Variants in ACP3 observed in about 807,000 individuals in gnomAD.
ACP3 encodes the protein acid phosphatase 3.
Under a neutral mutation model 45.6 loss-of-function variants are expected in ACP3, and 38 were observed. That is an observed-to-expected ratio of 0.83 (90% CI 0.64 to 1.09). ACP3 has a LOEUF of 1.09. Among genes scored for constraint, ACP3 ranks in the 50% least tolerant of loss-of-function variants. The pLI, the probability that ACP3 is intolerant of heterozygous loss-of-function variation, is 0.00. For synonymous variants in ACP3, 162 were observed against 164.7 expected, an observed-to-expected ratio of 0.98 and a Z score of 0.13; for missense variants, 466 against 463.2, an observed-to-expected ratio of 1.01 and a Z score of -0.05.
At chr3:132,351,592 A>G (rs1937740400) in intron 8 of ACP3, among the ~76,000 whole-genome samples, 1 of 152,248 alleles carries the variant, frequency 6.6e-6, no homozygotes. Context: ...AGGCCTGGGC[A>G]GGAGCAGAGT....
At position 132,357,680 on chromosome 3, in the gene ACP3, A is replaced by G; in HGVS notation, c.*802A>G. On this transcript the variant is annotated 3_prime_UTR_variant, in exon 10 of 10. Transcript: ENST00000336375. ...CTATTTGGGCACAACACATCAGGAA[A>G]GAGAGCACCACGTGATGGAGTTTCT... The G allele has an allele frequency of 1.0e-6, 1 of 985,420 alleles. No homozygotes were observed. The highest frequency in any genetic ancestry group is 1.2e-6 in the Non-Finnish European group (1 of 829,926). The allele number at this position is 985,420 out of a possible 1,614,324, so 61.0% of individuals were successfully genotyped here.
At chr3:132,363,125 A>T (rs975374271), downstream of ACP3, among the ~76,000 whole-genome samples, 2 of 152,156 alleles carry the variant, frequency 1.3e-5, no homozygotes, top group Admixed American at 6.5e-5. Flanking sequence ...TCACAGGGAG[A>T]GAAAGCATAC....
intron 4 of ACP3, among the ~76,000 whole-genome samples, chr3:132,335,711 G>A (rs1002911329): frequency 6.6e-6 from 1 of 152,188 alleles, no homozygotes; most frequent in Non-Finnish European, 1.5e-5. Context: ...GCAGGAAACA[G>A]TTTTAGGCAG....
In ACP3 at chr3:132,358,027, C is replaced by T. The variant is rs1937949830; in HGVS notation, c.*1149C>T. On this transcript the variant is annotated 3_prime_UTR_variant, in exon 10 of 10. Transcript: ENST00000336375. ...CCAGCCAGGGCAAGAGAGCGAGACCCTGTCTCAATAAATAAATAAATAAAT... is the reference window on the plus strand; with the variant it reads ...CCAGCCAGGGCAAGAGAGCGAGACCTTGTCTCAATAAATAAATAAATAAAT... The T allele has an allele frequency of 7.2e-6, 1 of 139,530 alleles. No homozygotes were observed. The highest frequency in any genetic ancestry group is 2.7e-5 in the African/African-American group (1 of 37,218). The allele number at this position is 139,530 out of a possible 1,614,324, so 8.6% of individuals were successfully genotyped here. A position where few individuals can be genotyped will look rare whatever the true frequency, so the allele number is the denominator to read the frequency against.
chr3:132,362,951 C>G (rs16839141), downstream of ACP3, among the ~76,000 whole-genome samples: 642 of 152,086 alleles, frequency 4.2e-3, 6 homozygotes, highest in African/African-American at 0.015. Context: ...TTAGGAAGAC[C>G]CTTTTCAGTC....
chr3:132,336,740 G>A (rs1266698410), intron 4 of ACP3, among the ~76,000 whole-genome samples: 4 of 151,574 alleles, frequency 2.6e-5, no homozygotes, highest in South Asian at 4.2e-4. Context: ...TTAAATTTGA[G>A]GGAAAAAAAA....
intron 7 of ACP3, among the ~76,000 whole-genome samples, chr3:132,349,253 G>T (rs1477412680): frequency 6.6e-6 from 1 of 152,188 alleles, no homozygotes; most frequent in East Asian, 1.9e-4. Flanking sequence ...GTTCAGATGT[G>T]AAGTGTGAAG....
At position 132,357,859 on chromosome 3, in the gene ACP3, C is replaced by A. The variant is rs533260678; in HGVS notation, c.*981C>A. 2.1e-6 allele frequency: 1 copy of A among 473,512 alleles called. No individual in the cohort carries two copies. The highest frequency in any genetic ancestry group is 1.6e-4 in the East Asian group (1 of 6,448). 29.3% of individuals were successfully genotyped at this position (473,512 alleles called of 1,614,324 possible). A position where few individuals can be genotyped will look rare whatever the true frequency, so the allele number is the denominator to read the frequency against. On this transcript the variant is annotated 3_prime_UTR_variant, in exon 10 of 10. Transcript: ENST00000336375. Reference sequence around the variant, plus strand: ...GATCAGCCTGGGCAACATGGTGAAACCTGGTCTCTACATAAAATACAAAAA... The same window carrying A: ...GATCAGCCTGGGCAACATGGTGAAAACTGGTCTCTACATAAAATACAAAAA...
Position 132,358,260 on chromosome 3 carries a change from C to G in ACP3, c.*1382C>G. On this transcript the variant is annotated 3_prime_UTR_variant, in exon 10 of 10. Coordinates refer to ENST00000336375, the MANE Select transcript of ACP3 (RefSeq NM_001099.5). ...AAGGAAGGAAGGGACACATATCAAA[C>G]TGAAACAAAATTAGAAATGTAATTA... The G allele has an allele frequency of 1.8e-6, 2 of 1,120,930 alleles. No individual in the cohort carries two copies. Among genetic ancestry groups the G allele is most frequent in the Non-Finnish European group, 2.2e-6 (2 of 903,608 alleles). 69.4% of individuals were successfully genotyped at this position (1,120,930 alleles called of 1,614,324 possible).
At chr3:132,323,227 A>G (rs920669477) in intron 1 of ACP3, among the ~76,000 whole-genome samples, 2 of 152,086 alleles carry the variant, frequency 1.3e-5, no homozygotes, top group African/African-American at 4.8e-5. Context: ...ATGATCAAAA[A>G]CCCTCATGAA....
At position 132,352,717 on chromosome 3, in the gene ACP3, T is replaced by A. The variant is rs1357427612; in HGVS notation, c.865-3T>A. 6.2e-7 allele frequency: 1 copy of A among 1,605,126 alleles called. No individual in the cohort carries two copies. Among genetic ancestry groups the A allele is most frequent in the African/African-American group, 1.3e-5 (1 of 74,720 alleles). On this transcript the variant is annotated splice_region_variant and splice_polypyrimidine_tract_variant and intron_variant, in intron 8 of 9. Transcript: ENST00000336375. ...GCGATAAAATTGATTTCAATCTCTG[T>A]AGCATGACACTACTGTGAGTGGCCT... is the stretch of plus-strand genomic sequence containing the variant.
intron 1 of ACP3, 125 bp downstream of exon 1, chr3:132,317,701 A>G: frequency 9.1e-7 from 1 of 1,098,456 alleles, no homozygotes; most frequent in Non-Finnish European, 1.2e-6. Context: ...GTTCAAACTC[A>G]GAAAGTGAAT....
In ACP3 at chr3:132,365,749, G is replaced by T. The variant is rs199636118; in HGVS notation, c.1139-1955G>T. 5.3e-4 allele frequency among the ~76,000 whole-genome samples: 62 copies of T among 117,122 alleles called. No homozygotes were observed. In the East Asian group the frequency reaches 0.013, roughly 24 times the overall value. The allele number at this position is 117,122 out of a possible 152,430, so 76.8% of individuals were successfully genotyped here. A position where few individuals can be genotyped will look rare whatever the true frequency, so the allele number is the denominator to read the frequency against. ...TAATCCCAGCACTTTGGGAGGTGCAGGTGGTGGTGGGTGGATCACCTGAAG... is the reference window on the plus strand; with the variant it reads ...TAATCCCAGCACTTTGGGAGGTGCATGTGGTGGTGGGTGGATCACCTGAAG... On this transcript the variant is annotated intron_variant, in intron 10 of 10. Transcript: ENST00000351273.
At chr3:132,361,729 A>C (rs2107823076), downstream of ACP3, among the ~76,000 whole-genome samples, 1 of 152,340 alleles carries the variant, frequency 6.6e-6, no homozygotes, top group Admixed American at 6.5e-5. Flanking sequence ...TAAGCAAGAT[A>C]ATCTATTGAT....
chr3:132,348,457 C>A (rs1937642753), intron 7 of ACP3, among the ~76,000 whole-genome samples: 1 of 152,118 alleles, frequency 6.6e-6, no homozygotes, highest in Non-Finnish European at 1.5e-5. Context: ...TGAGGATAAT[C>A]ATGATAGTCA....
chr3:132,359,263 A>G (rs879585969), downstream of ACP3, among the ~76,000 whole-genome samples: 27 of 152,212 alleles, frequency 1.8e-4, no homozygotes, highest in Non-Finnish European at 3.4e-4. Context: ...CTGTAATCCC[A>G]GCACTTTGGG....
At chr3:132,342,085 C>T (rs976033307) in intron 5 of ACP3, among the ~76,000 whole-genome samples, 3 of 152,198 alleles carry the variant, frequency 2.0e-5, no homozygotes, top group Non-Finnish European at 4.4e-5. Context: ...TCACCTGGGA[C>T]ATATTTACAC....
Position 132,317,501 on chromosome 3 carries a change from C to T in ACP3, c.45C>T (p.Ser15=). 2 of 1,613,774 alleles carry T rather than the reference C, an allele frequency of 1.2e-6. No individual in the cohort carries two copies. Among genetic ancestry groups the T allele is most frequent in the Non-Finnish European group, 1.7e-6 (2 of 1,179,804 alleles). Residue 15 remains serine, a synonymous_variant, in exon 1 of 10, where the codon AGC becomes AGT. Coordinates refer to ENST00000336375, the MANE Select transcript of ACP3 (RefSeq NM_001099.5). ...PLLLARAASL[S]LGFLFLLFFW... is the part of the protein sequence containing the mutation. ...TCCTGGCCAGGGCAGCAAGCCTTAG[C>T]CTTGGCTTCTTGTTTCTGCTTTTTT... is the stretch of plus-strand genomic sequence containing the variant.
intron 6 of ACP3, among the ~76,000 whole-genome samples, chr3:132,343,288 T>C (rs1937572252): frequency 6.6e-6 from 1 of 152,158 alleles, no homozygotes; most frequent in South Asian, 2.1e-4. Context: ...ACCTAATTCA[T>C]ATTGACTTCT....
Sources: gnomAD v4.1 joint callset for allele counts (sites outside exome capture counted in the v4.1 genomes callset) on GRCh38, gnomAD v4.1.1 for gene constraint, MANE v1.5 for transcripts, NCBI Gene and HGNC (gene_info 2026-07-23, HGNC 2026-07-21) for gene names.